NPAS2: variants seen among roughly 807,000 people sequenced by gnomAD.
NPAS2 encodes the protein neuronal PAS domain protein 2.
In NPAS2, 23 loss-of-function variants were observed where a neutral mutation model predicts 107.5. That is an observed-to-expected ratio of 0.21 (90% CI 0.15 to 0.30). NPAS2 has a LOEUF of 0.30. NPAS2 is among the 10% of genes least tolerant of loss of function. The probability of loss-of-function intolerance (pLI) is 1.00; values close to 1 mark genes in which losing one functional copy is unlikely to be tolerated. For synonymous variants in NPAS2, 403 were observed against 417.5 expected, an observed-to-expected ratio of 0.97 and a Z score of 0.42; for missense variants, 756 against 1,043.3, an observed-to-expected ratio of 0.72 and a Z score of 3.79.
rs529491634 is a variant in NPAS2, at chr2:100,842,386, G to A, written c.-23+21972G>A. Among the ~76,000 whole-genome samples, 28 of 152,200 alleles carry A rather than the reference G, an allele frequency of 1.8e-4. 1 individual carries two copies. The South Asian group carries it at 4.4e-3, about 24-fold the overall frequency. ...CTCCTGCACGTAGACAGAATGCATCGTGCGCCATCCCTTGTCAATGGGAGC... is the reference window on the plus strand; with the variant it reads ...CTCCTGCACGTAGACAGAATGCATCATGCGCCATCCCTTGTCAATGGGAGC... On this transcript the variant is annotated intron_variant, in intron 1 of 20. Coordinates refer to ENST00000335681, the MANE Select transcript of NPAS2 (RefSeq NM_002518.4).
intron 5 of NPAS2, among the ~76,000 whole-genome samples, chr2:100,946,240 A>AG (rs1364346992): frequency 2.6e-5 from 4 of 152,140 alleles, no homozygotes; most frequent in Non-Finnish European, 5.9e-5. Context: ...TGCAGCATGG[A>AG]GGGGTAGAAC....
At chr2:100,977,832 C>T in intron 15 of NPAS2, 33 bp downstream of exon 15, 1 of 1,588,092 alleles carries the variant, frequency 6.3e-7, no homozygotes, top group African/African-American at 1.3e-5. Context: ...GGCAGCCCCT[C>T]TCAAGCCAGA....
intron 2 of NPAS2, among the ~76,000 whole-genome samples, chr2:100,912,215 CATTTATTTATTTATTTATTTATTT>C (rs200504991): frequency 1.4e-5 from 2 of 143,324 alleles, no homozygotes; most frequent in Admixed American, 7.5e-5. Context: ...CAGTTTGCTC[CATTTATTTATTTATTTATTTATTT>C]ATTTATTTAT....
chr2:100,889,576 CG>C (rs1680923294), intron 1 of NPAS2, among the ~76,000 whole-genome samples: 1 of 152,136 alleles, frequency 6.6e-6, no homozygotes, highest in African/African-American at 2.4e-5. Flanking sequence ...TTTACCACAC[CG>C]GATATCCTGA....
intron 1 of NPAS2, among the ~76,000 whole-genome samples, chr2:100,877,602 G>T (rs890753211): frequency 6.6e-6 from 1 of 152,180 alleles, no homozygotes; most frequent in African/African-American, 2.4e-5. Flanking sequence ...CAGCCCCAAG[G>T]GTTTTCACGG....
Position 100,993,544 on chromosome 2 carries a change from AG to A in NPAS2, c.2292+22del. On this transcript the variant is annotated intron_variant, in intron 20 of 20. Coordinates refer to ENST00000335681, the MANE Select transcript of NPAS2 (RefSeq NM_002518.4). ...TACCTGCAGGTGGGTGCCACGGCCC[AG>A]GGGGCCCCCGTGCAGGCCTGGGAGC... is the stretch of plus-strand genomic sequence containing the variant. 6.6e-7 allele frequency: 1 copy of A among 1,510,430 alleles called. No individual in the cohort carries two copies. Among genetic ancestry groups the A allele is most frequent in the Non-Finnish European group, 8.9e-7 (1 of 1,124,736 alleles). 93.6% of individuals were successfully genotyped at this position (1,510,430 alleles called of 1,614,324 possible). A position where few individuals can be genotyped will look rare whatever the true frequency, so the allele number is the denominator to read the frequency against.
upstream of NPAS2, among the ~76,000 whole-genome samples, chr2:100,819,241 A>G (rs970188104): frequency 1.3e-5 from 2 of 151,904 alleles, no homozygotes; most frequent in African/African-American, 2.4e-5. This position sits in a 1 kb window ranked among gnomAD's most constrained non-coding sequence, Gnocchi z 5.8. Context: ...AGGGCAGCGG[A>G]GGAGGGGAGG....
chr2:100,969,163 G>T (rs1370297648), intron 11 of NPAS2, among the ~76,000 whole-genome samples: 1 of 152,050 alleles, frequency 6.6e-6, no homozygotes, highest in Non-Finnish European at 1.5e-5. Flanking sequence ...AAGTTGGAAG[G>T]ACAGCATGCC....
At chr2:100,967,350 G>A (rs1019476142) in intron 10 of NPAS2, among the ~76,000 whole-genome samples, 3 of 137,926 alleles carry the variant, frequency 2.2e-5, no homozygotes, top group Non-Finnish European at 4.5e-5. Context: ...CCTCAGCCTC[G>A]TGAGTAGCTG....
At chr2:100,960,071 C>T (rs1675830790) in intron 7 of NPAS2, among the ~76,000 whole-genome samples, 1 of 152,152 alleles carries the variant, frequency 6.6e-6, no homozygotes, top group Admixed American at 6.5e-5. Context: ...CCTTTGTCAT[C>T]AGACAGACTT....
rs1201129112 is a variant in NPAS2, at chr2:100,964,195, G to A, written c.717+19G>A. 10 of 1,463,802 alleles carry A rather than the reference G, an allele frequency of 6.8e-6. No homozygotes were observed. The highest frequency in any genetic ancestry group is 9.6e-6 in the Non-Finnish European group (10 of 1,042,528). 90.7% of individuals were successfully genotyped at this position (1,463,802 alleles called of 1,614,324 possible). Reference sequence around the variant, plus strand: ...CTTAAAGGCAAGTACCTGAGAGGCAGTTCATTGTGCGGAGCTGTTATGATT... The same window carrying A: ...CTTAAAGGCAAGTACCTGAGAGGCAATTCATTGTGCGGAGCTGTTATGATT... On this transcript the variant is annotated intron_variant, in intron 8 of 20. Coordinates refer to ENST00000335681, the MANE Select transcript of NPAS2 (RefSeq NM_002518.4).
At chr2:100,911,540 C>T (rs1012222303) in intron 2 of NPAS2, among the ~76,000 whole-genome samples, 2 of 151,848 alleles carry the variant, frequency 1.3e-5, no homozygotes, top group Non-Finnish European at 2.9e-5. Context: ...TTCTCCTGCC[C>T]GGCCACAAAG....
intron 1 of NPAS2, chr2:100,821,077 G>C (rs2104295372): frequency 7.7e-7 from 1 of 1,304,354 alleles, no homozygotes; most frequent in East Asian, 5.6e-5. Flanking sequence ...CAGCCGAGGA[G>C]GGACGCACCT....
intron 16 of NPAS2, chr2:100,982,709 C>T: frequency 3.4e-6 from 1 of 296,724 alleles, no homozygotes; most frequent in Non-Finnish European, 6.3e-6. Context: ...GTAGTACCTC[C>T]CTGCACCTCT....
chr2:100,991,863 G>A lies in NPAS2; in HGVS notation c.2111+991G>A, dbSNP rs1043657293. Among the ~76,000 whole-genome samples the A allele has an allele frequency of 7.2e-5, 11 of 152,178 alleles. No homozygotes were observed. The East Asian group carries it at 1.7e-3, about 24-fold the overall frequency. ...TGGAGGCCAGCTAACTCCAGGCCAC[G>A]GGCCCCTTGGGCTCCCTGAATCTTC... On this transcript the variant is annotated intron_variant, in intron 19 of 20. Coordinates refer to ENST00000335681, the MANE Select transcript of NPAS2 (RefSeq NM_002518.4).
At chr2:100,824,214 C>G (rs370883302) in intron 1 of NPAS2, among the ~76,000 whole-genome samples, 3 of 152,286 alleles carry the variant, frequency 2.0e-5, no homozygotes, top group South Asian at 4.2e-4. Context: ...CCAGCAAACC[C>G]AAGGCCGGCC....
chr2:100,904,843 T>C (rs1200605750), intron 2 of NPAS2, 57 bp downstream of exon 2: 3 of 1,296,364 alleles, frequency 2.3e-6, no homozygotes, highest in Non-Finnish European at 3.3e-6. Context: ...GGGGTCTGCC[T>C]GGCAGAATCT....
rs1178886902 is a variant in NPAS2, at chr2:100,968,149, G to C, written c.908-132G>C. On this transcript the variant is annotated intron_variant, in intron 10 of 20. Transcript: ENST00000335681. The surrounding 1 kb of genome is among the most constrained non-coding windows in gnomAD (Gnocchi z 5.3). ...GATCCTGACAGTCACTTAAAATACA[G>C]GGCAACCGGGGAAACAAGCCATGTT... 1.1e-6 allele frequency: 1 copy of C among 901,464 alleles called. No homozygotes were observed. Among genetic ancestry groups the C allele is most frequent in the Non-Finnish European group, 1.7e-6 (1 of 584,436 alleles). 55.8% of individuals were successfully genotyped at this position (901,464 alleles called of 1,614,324 possible). A position where few individuals can be genotyped will look rare whatever the true frequency, so the allele number is the denominator to read the frequency against.
intron 1 of NPAS2, among the ~76,000 whole-genome samples, chr2:100,890,240 G>A (rs1000391519): frequency 1.3e-5 from 2 of 152,170 alleles, no homozygotes; most frequent in Non-Finnish European, 2.9e-5. Context: ...ACAGTGGGCC[G>A]GCTGTGTCCA....
Sources: allele counts gnomAD v4.1 joint callset (sites outside exome capture counted in the v4.1 genomes callset), GRCh38; gene constraint gnomAD v4.1.1; non-coding constraint Gnocchi (gnomAD v3.1); transcripts MANE v1.5; gene names NCBI Gene and HGNC (gene_info 2026-07-23, HGNC 2026-07-21).